Variants in NBR1 observed in about 807,000 individuals in gnomAD.
The protein encoded by NBR1 is NBR1 autophagy cargo receptor.
In NBR1, 59 loss-of-function variants were observed where a neutral mutation model predicts 115.5. That is an observed-to-expected ratio of 0.51 (90% CI 0.41 to 0.63). NBR1 has a LOEUF of 0.63. NBR1 is among the 30% of genes least tolerant of loss of function. NBR1 has a pLI of 0.00. For synonymous variants in NBR1, 373 were observed against 414.7 expected (o/e 0.90, Z 1.22); for missense variants, 1,043 against 1,150.5 (o/e 0.91, Z 1.35).
chr17:43,193,982 GA>G (rs972409260), intron 12 of NBR1, among the ~76,000 whole-genome samples: 38 of 152,282 alleles, frequency 2.5e-4, no homozygotes, highest in African/African-American at 8.9e-4. Context: ...CATCTCTCCT[GA>G]AATACCCTGT....
intron 3 of NBR1, among the ~76,000 whole-genome samples, chr17:43,178,579 G>A (rs967664508): frequency 2.0e-5 from 3 of 151,522 alleles, no homozygotes; most frequent in African/African-American, 4.9e-5. Flanking sequence ...ATTTCACCAT[G>A]TTGGCCAAGC....
At chr17:43,209,466 A>G (rs917740482) in intron 20 of NBR1, 3 of 1,040,118 alleles carry the variant, frequency 2.9e-6, no homozygotes, top group South Asian at 2.8e-5. Context: ...GCTCCTCTGC[A>G]TATCTGACAA....
Position 43,210,735 on chromosome 17 carries a change from T to C in NBR1, c.*661T>C, listed in dbSNP as rs898789770. On this transcript the variant is annotated 3_prime_UTR_variant, in exon 21 of 21. Transcript: ENST00000590996. Reference sequence around the variant, plus strand: ...AATGAAAGGAGGAAGAGTGTGCTGATAAACCTACCAGCACCTATTGAGCAA... The same window carrying C: ...AATGAAAGGAGGAAGAGTGTGCTGACAAACCTACCAGCACCTATTGAGCAA... The C allele has an allele frequency of 7.5e-6, 3 of 398,424 alleles. No homozygotes were observed. The highest frequency in any genetic ancestry group is 6.2e-5 in the African/African-American group (3 of 48,614). The allele number at this position is 398,424 out of a possible 1,614,324, so 24.7% of individuals were successfully genotyped here.
In NBR1 at chr17:43,196,964, G is replaced by A. The variant is rs555582587; in HGVS notation, c.1884G>A (p.Arg628=). ...ALPDSMVSVK[R]KAENIASVEE... ...CAGATTCTATGGTGTCAGTAAAGAG[G>A]AAGGCTGAGAACATTGCTTCTGTGG... Residue 628 remains arginine (R), a synonymous_variant, in exon 16 of 21, where the codon AGG becomes AGA. Transcript: ENST00000590996. 6.2e-7 allele frequency: 1 copy of A among 1,613,922 alleles called. No homozygotes were observed. Among genetic ancestry groups the A allele is most frequent in the East Asian group, 2.2e-5 (1 of 44,896 alleles).
At chr17:43,193,905 A>G (rs1411507568) in intron 12 of NBR1, among the ~76,000 whole-genome samples, 10 of 152,102 alleles carry the variant, frequency 6.6e-5, no homozygotes, top group African/African-American at 2.4e-4. Context: ...TGCACAAGGG[A>G]AAAAGGGACT....
intron 6 of NBR1, among the ~76,000 whole-genome samples, chr17:43,188,310 TG>T (rs1343339691): frequency 2.6e-5 from 4 of 152,218 alleles, no homozygotes; most frequent in Non-Finnish European, 4.4e-5. Flanking sequence ...TTGATGGGGT[TG>T]TTTTTTTCTT....
chr17:43,209,862 ATTTTTTT>A lies in NBR1; in HGVS notation c.2728-28_2728-22del, dbSNP rs11322550. The stretch of plus-strand genomic sequence containing the variant: ...AAAATAAACATTTAAATTATACAGA[ATTTTTTT>A]TTTTTTTTTTGCTTTGCTTGTCTCT... On this transcript the variant is annotated intron_variant, in intron 20 of 20. Coordinates refer to ENST00000590996, the MANE Select transcript of NBR1 (RefSeq NM_005899.5). 7.0e-5 allele frequency: 96 copies of A among 1,367,562 alleles called. 1 individual carries two copies. The highest frequency in any genetic ancestry group is 7.9e-5 in the Non-Finnish European group (83 of 1,046,944). 84.7% of individuals were successfully genotyped at this position (1,367,562 alleles called of 1,614,324 possible). A position where few individuals can be genotyped will look rare whatever the true frequency, so the allele number is the denominator to read the frequency against.
chr17:43,174,923 G>A (rs11654731), intron 1 of NBR1, among the ~76,000 whole-genome samples: 44,823 of 147,888 alleles, frequency 0.3, 7,323 homozygotes, highest in South Asian at 0.49. Context: ...GTGAAACCCC[G>A]TCCCTACCAA....
intron 7 of NBR1, 45 bp from the exon 8 acceptor site, chr17:43,189,543 A>T (rs1360553530): frequency 1.4e-6 from 2 of 1,399,810 alleles, no homozygotes; most frequent in Admixed American, 1.8e-5. Flanking sequence ...TTTTTTTCTG[A>T]TATTGGAACT....
intron 6 of NBR1, among the ~76,000 whole-genome samples, chr17:43,188,195 T>G (rs1369892224): frequency 2.0e-5 from 3 of 152,340 alleles, no homozygotes; most frequent in Non-Finnish European, 4.4e-5. Flanking sequence ...CGGCCTGATT[T>G]GCATTTCTCT....
At chr17:43,209,861 AAT>A in intron 20 of NBR1, 38 bp from the exon 21 acceptor site, 2 of 1,421,814 alleles carry the variant, frequency 1.4e-6, no homozygotes, top group Non-Finnish European at 1.9e-6. Context: ...AATTATACAG[AAT>A]TTTTTTTTTT....
chr17:43,201,778 G>T lies in NBR1; in HGVS notation c.2561G>T (p.Gly854Val). The T allele has an allele frequency of 1.3e-6, 2 of 1,560,176 alleles. No individual in the cohort carries two copies. The highest frequency in any genetic ancestry group is 1.8e-6 in the Non-Finnish European group (2 of 1,131,026). The change falls in exon 18 of 21, where the codon GGA becomes GTA. Residue 854 changes from glycine to valine, a missense_variant and splice_region_variant. Physicochemically the swap from Gly to Val is moderately radical, Grantham distance 109. Coordinates refer to ENST00000590996, the MANE Select transcript of NBR1 (RefSeq NM_005899.5). ...EVSSVPDQIRGEPRGSSGLVN... is the reference protein window; with the variant it reads ...EVSSVPDQIRVEPRGSSGLVN... ...TCTTCAGTCCCTGATCAGATCAGAG[G>T]AGGTAATGATCAGCCTAAGCTTTTT...
chr17:43,187,964 C>T (rs1416486608), intron 6 of NBR1, among the ~76,000 whole-genome samples: 11 of 142,460 alleles, frequency 7.7e-5, no homozygotes, highest in Non-Finnish European at 6.0e-5. Context: ...AATCCGGGCT[C>T]ACTGCAAGCT....
chr17:43,186,075 GA>G (rs1420773644), intron 5 of NBR1, among the ~76,000 whole-genome samples, 174 bp from the exon 6 acceptor site: 1 of 152,008 alleles, frequency 6.6e-6, no homozygotes, highest in African/African-American at 2.4e-5. Flanking sequence ...TCTTACCAAA[GA>G]AATAGCAAGT....
chr17:43,190,420 T>C, intron 8 of NBR1, 189 bp from the exon 9 acceptor site: 1 of 601,364 alleles, frequency 1.7e-6, no homozygotes, highest in Admixed American at 2.8e-5. Flanking sequence ...TCATTTAAAA[T>C]GGATATGGGT....
Position 43,186,271 on chromosome 17 carries a change from C to G in NBR1, c.229C>G (p.Gln77Glu). ...TTAGATGGCAGTTAAACAGGGAAAC[C>G]AACTGCAGATGCAAGTCCACGAAGG... ...ALKMAVKQGN[Q>E]LQMQVHEGHH... The change falls in exon 6 of 21, where the codon CAA becomes GAA. Residue 77 changes from glutamine to glutamate, a missense_variant. Transcript: ENST00000590996. 1 of 1,577,882 alleles carries G rather than the reference C, an allele frequency of 6.3e-7. No homozygotes were observed. The highest frequency in any genetic ancestry group is 8.6e-7 in the Non-Finnish European group (1 of 1,162,092).
intron 6 of NBR1, among the ~76,000 whole-genome samples, 194 bp downstream of exon 6, chr17:43,186,638 T>C (rs1441374118): frequency 6.6e-6 from 1 of 152,112 alleles, no homozygotes. Flanking sequence ...TCATCTACCT[T>C]AGGTATTTCT....
chr17:43,208,792 C>G (rs1333263483), intron 20 of NBR1, among the ~76,000 whole-genome samples: 2 of 152,104 alleles, frequency 1.3e-5, no homozygotes, highest in Non-Finnish European at 2.9e-5. Context: ...ATAGGGAAAC[C>G]TCATCTCTAG....
At chr17:43,194,733 T>A (rs1348690829) in intron 13 of NBR1, 1 of 624,286 alleles carries the variant, frequency 1.6e-6, no homozygotes, top group African/African-American at 1.9e-5. Context: ...AGTTGCCTCT[T>A]CACCTTGGCC....
Sources: allele counts gnomAD v4.1 joint callset (sites outside exome capture counted in the v4.1 genomes callset), GRCh38; gene constraint gnomAD v4.1.1; transcripts MANE v1.5; gene names NCBI Gene and HGNC (gene_info 2026-07-23, HGNC 2026-07-21).